Variants in DOCK9 observed in about 807,000 individuals in gnomAD.
The protein encoded by DOCK9 is dedicator of cytokinesis 9, also known as dedicator of cytokinesis protein 9.
DOCK9 carries 89 observed loss-of-function variants against 263.3 expected under a neutral mutation model. The observed-to-expected ratio is 0.34, with a 90% CI of 0.28 to 0.40. The LOEUF is 0.40. Among genes scored for constraint, DOCK9 ranks in the 10% least tolerant of loss-of-function variants. The probability of loss-of-function intolerance (pLI) is 1.00; values close to 1 mark genes in which losing one functional copy is unlikely to be tolerated. For missense variants in DOCK9, 2,140 were observed against 2,603.4 expected (o/e 0.82, Z 3.87); for synonymous variants, 976 against 973.1 (o/e 1.00, Z -0.06).
At chr13:99,060,543 G>C (rs973323347) in intron 1 of DOCK9, among the ~76,000 whole-genome samples, 1 of 152,128 alleles carries the variant, frequency 6.6e-6, no homozygotes, top group Admixed American at 6.5e-5. Context: ...CTGAAGAAAC[G>C]CCAAACTGTT....
chr13:98,868,457 C>T, intron 27 of DOCK9, 80 bp from the exon 28 acceptor site: 2 of 1,454,274 alleles, frequency 1.4e-6, no homozygotes, highest in Non-Finnish European at 1.8e-6. Flanking sequence ...ATCCCTGAGT[C>T]CATCTTAAAA....
chr13:98,801,643 C>T (rs1399889340), intron 49 of DOCK9, among the ~76,000 whole-genome samples: 1 of 152,126 alleles, frequency 6.6e-6, no homozygotes, highest in Non-Finnish European at 1.5e-5. Flanking sequence ...ATAATATTCT[C>T]ACTTGACATA....
chr13:99,013,186 C>T (rs1884814580), intron 1 of DOCK9, among the ~76,000 whole-genome samples: 1 of 152,122 alleles, frequency 6.6e-6, no homozygotes, highest in Non-Finnish European at 1.5e-5. Context: ...TCACTGTAAA[C>T]TTGAACTCCT....
chr13:99,054,084 A>G (rs974741151), intron 1 of DOCK9, among the ~76,000 whole-genome samples: 73 of 152,292 alleles, frequency 4.8e-4, no homozygotes, highest in African/African-American at 1.7e-3. Context: ...TTTCCACTGT[A>G]AGACACTGCA....
chr13:98,975,480 C>T (rs1595778409), intron 1 of DOCK9, among the ~76,000 whole-genome samples: 2 of 120,080 alleles, frequency 1.7e-5, no homozygotes, highest in African/African-American at 2.8e-5. Context: ...CATACACACA[C>T]ACACACACAC....
chr13:98,936,683 A>G (rs529170616), intron 2 of DOCK9, among the ~76,000 whole-genome samples: 1 of 152,164 alleles, frequency 6.6e-6, no homozygotes, highest in South Asian at 2.1e-4. Flanking sequence ...AGACAGAAAT[A>G]GGAACCTACC....
upstream of DOCK9, among the ~76,000 whole-genome samples, chr13:98,978,697 G>A (rs1012679668): frequency 1.3e-4 from 20 of 152,186 alleles, no homozygotes; most frequent in African/African-American, 4.8e-4. Context: ...TAGGTGCTGA[G>A]AGGATCATAC....
intron 1 of DOCK9, among the ~76,000 whole-genome samples, chr13:99,025,771 T>C (rs1225597051): frequency 6.6e-6 from 1 of 152,210 alleles, no homozygotes; most frequent in African/African-American, 2.4e-5. Flanking sequence ...CTGTTCATAA[T>C]AAACAAAAAT....
intron 2 of DOCK9, among the ~76,000 whole-genome samples, chr13:98,937,425 G>A (rs2055056027): frequency 6.6e-6 from 1 of 152,142 alleles, no homozygotes; most frequent in Non-Finnish European, 1.5e-5. Flanking sequence ...ATAGATGATC[G>A]ATAGACAGAT....
chr13:98,839,760 G>GTGCTGTTTTA (rs1176149590), intron 38 of DOCK9, among the ~76,000 whole-genome samples: 11 of 152,238 alleles, frequency 7.2e-5, no homozygotes, highest in Non-Finnish European at 1.3e-4. Flanking sequence ...ATTTGGCCAT[G>GTGCTGTTTTA]TGCTGTTTTA....
intron 18 of DOCK9, among the ~76,000 whole-genome samples, chr13:98,887,387 T>G (rs2045927744): frequency 6.7e-6 from 1 of 150,122 alleles, no homozygotes; most frequent in Non-Finnish European, 1.5e-5. Context: ...GAGGCCAAGG[T>G]GGGCAGATCA....
intron 5 of DOCK9, 63 bp from the exon 6 acceptor site, chr13:98,922,209 G>T: frequency 4.6e-6 from 6 of 1,305,892 alleles, no homozygotes; most frequent in Non-Finnish European, 6.5e-6. Context: ...CTTGCTGTGA[G>T]TTTGGTCAAT....
chr13:98,826,872 C>T lies in DOCK9; in HGVS notation c.4981G>A (p.Val1661Ile), dbSNP rs1291037083. The change falls in exon 44 of 53, where the codon GTC (valine) becomes ATC (isoleucine). Residue 1661 changes from valine (V) to isoleucine (I), a missense_variant. Coordinates refer to ENST00000682017, the MANE Select transcript of DOCK9 (RefSeq NM_001366683.2). ...GDLSEAAMCY[V>I]HVTALVAEYL... ...TCTGCCACTAGGGCTGTTACGTGGA[C>T]ATAGCACATTGCTGCCTATAATAGA... 2.8e-5 allele frequency: 45 copies of T among 1,610,596 alleles called. No homozygotes were observed. The East Asian group carries it at 9.8e-4, about 35-fold the overall frequency.
At chr13:99,061,099 T>A (rs1034840305) in intron 1 of DOCK9, among the ~76,000 whole-genome samples, 2 of 152,208 alleles carry the variant, frequency 1.3e-5, no homozygotes, top group African/African-American at 2.4e-5. Flanking sequence ...TCTCTCATCT[T>A]TATAAGCTAA....
At chr13:99,086,249 C>T in exon 1 of DOCK9, 1 of 1,503,138 alleles carries the variant, frequency 6.7e-7, no homozygotes. Context: ...CGCACCACCT[C>T]AGACACGCTC....
chr13:99,021,029 C>T (rs1886027220), intron 1 of DOCK9, among the ~76,000 whole-genome samples: 1 of 152,198 alleles, frequency 6.6e-6, no homozygotes, highest in Non-Finnish European at 1.5e-5. Flanking sequence ...TTTCATAAAT[C>T]AAGGCAGTGA....
intron 1 of DOCK9, among the ~76,000 whole-genome samples, chr13:99,027,488 G>A (rs993721207): frequency 1.3e-5 from 2 of 152,120 alleles, no homozygotes; most frequent in Non-Finnish European, 2.9e-5. Context: ...GAGTGCTACC[G>A]AGAAATCAAC....
intron 41 of DOCK9, among the ~76,000 whole-genome samples, chr13:98,830,204 T>C (rs2092704929): frequency 6.6e-6 from 1 of 152,228 alleles, no homozygotes; most frequent in African/African-American, 2.4e-5. Flanking sequence ...GGGGGCTCTG[T>C]CTTTTTTTGG....
intron 1 of DOCK9, among the ~76,000 whole-genome samples, 181 bp downstream of exon 1, chr13:98,977,603 T>G (rs1875293952): frequency 6.6e-6 from 1 of 152,078 alleles, no homozygotes. Flanking sequence ...ATTTCTTTCT[T>G]CACAAAGAAG....
Sources: allele counts gnomAD v4.1 joint callset (sites outside exome capture counted in the v4.1 genomes callset), GRCh38; gene constraint gnomAD v4.1.1; transcripts MANE v1.5; gene names NCBI Gene and HGNC (gene_info 2026-07-23, HGNC 2026-07-21).